Variants in STXBP3 observed in about 807,000 individuals in gnomAD.
STXBP3 encodes syntaxin-binding protein 3.
Under a neutral mutation model 85.7 loss-of-function variants are expected in STXBP3, and 41 were observed. The ratio of observed to expected loss-of-function variants is 0.48; its 90% CI spans 0.37 to 0.62. The LOEUF is 0.62. Among genes scored for constraint, STXBP3 ranks in the 20% least tolerant of loss-of-function variants. The pLI is 0.00. For synonymous variants in STXBP3, 229 were observed against 231.7 expected, an observed-to-expected ratio of 0.99 and a Z score of 0.10; for missense variants, 563 against 703.1, an observed-to-expected ratio of 0.80 and a Z score of 2.25.
At chr1:108,789,376 C>G (rs1662928846) in intron 11 of STXBP3, among the ~76,000 whole-genome samples, 1 of 151,930 alleles carries the variant, frequency 6.6e-6, no homozygotes, top group Admixed American at 6.6e-5. Flanking sequence ...TATATGTGGC[C>G]CAAGACAGTT....
At position 108,753,132 on chromosome 1, in the gene STXBP3, G is replaced by T; in HGVS notation, c.169G>T (p.Glu57Ter). 6.3e-7 allele frequency: 1 copy of T among 1,588,146 alleles called. No individual in the cohort carries two copies. The highest frequency in any genetic ancestry group is 8.6e-7 in the Non-Finnish European group (1 of 1,169,110). The change falls in exon 3 of 19, where the codon GAA (glutamate) becomes TAA (stop). Residue 57 changes from glutamate (E) to a stop codon, truncating the protein, a stop_gained. Coordinates refer to ENST00000370008, the MANE Select transcript of STXBP3 (RefSeq NM_007269.4). LOFTEE classifies it high-confidence loss of function. Reference protein sequence around the residue: ...SCCKMTDLLEEGITVVENIYK... With the variant: ...SCCKMTDLLE Reference sequence around the variant, plus strand: ...TTGCAAAATGACAGATCTTCTAGAAGAAGGTATTACTGGTAAGTGTTATTC... The same window carrying T: ...TTGCAAAATGACAGATCTTCTAGAATAAGGTATTACTGGTAAGTGTTATTC...
intron 11 of STXBP3, among the ~76,000 whole-genome samples, chr1:108,789,666 A>G (rs1483350323): frequency 1.3e-5 from 2 of 152,200 alleles, no homozygotes; most frequent in Non-Finnish European, 2.9e-5. Context: ...ATTTCAAAGC[A>G]TTTGGGAATT....
chr1:108,754,155 C>G (rs1460566677), intron 3 of STXBP3, among the ~76,000 whole-genome samples: 1 of 151,646 alleles, frequency 6.6e-6, no homozygotes, highest in African/African-American at 2.4e-5. Flanking sequence ...ATCTCAGTCT[C>G]CGAAGTAGCT....
intron 6 of STXBP3, among the ~76,000 whole-genome samples, chr1:108,764,259 T>G (rs889165856): frequency 2.1e-4 from 32 of 152,148 alleles, no homozygotes; most frequent in Admixed American, 4.6e-4. Flanking sequence ...TACATATATA[T>G]ATAGAGAGAG....
At chr1:108,747,042 G>A (rs1416680341) in intron 1 of STXBP3, among the ~76,000 whole-genome samples, 3 of 149,850 alleles carry the variant, frequency 2.0e-5, no homozygotes, top group African/African-American at 5.0e-5. Flanking sequence ...CGCTCTGGCC[G>A]CGAAGCTCCG....
intron 6 of STXBP3, among the ~76,000 whole-genome samples, chr1:108,763,096 T>TGGCAATA (rs951198136): frequency 1.3e-5 from 2 of 152,186 alleles, no homozygotes; most frequent in Admixed American, 1.3e-4. Flanking sequence ...TCCTGTTTCT[T>TGGCAATA]GGCAATAGAC....
At chr1:108,773,566 T>C (rs941942343) in intron 7 of STXBP3, among the ~76,000 whole-genome samples, 1 of 152,166 alleles carries the variant, frequency 6.6e-6, no homozygotes, top group African/African-American at 2.4e-5. Flanking sequence ...TTATTCTAGT[T>C]CAGGCTCATT....
intron 7 of STXBP3, among the ~76,000 whole-genome samples, chr1:108,773,110 TAC>T (rs1256742153): frequency 6.6e-6 from 1 of 152,178 alleles, no homozygotes; most frequent in African/African-American, 2.4e-5. Flanking sequence ...AATACAGTGT[TAC>T]AGTTAATGTT....
At chr1:108,751,566 ATG>A in intron 1 of STXBP3, among the ~76,000 whole-genome samples, 1 of 152,160 alleles carries the variant, frequency 6.6e-6, no homozygotes, top group African/African-American at 2.4e-5. Context: ...ATGTATTACT[ATG>A]TATTACTACC....
At chr1:108,781,042 T>C (rs1414995902) in intron 9 of STXBP3, 1 of 152,158 alleles carries the variant, frequency 6.6e-6, no homozygotes, top group African/African-American at 2.4e-5. Flanking sequence ...AAATTTACTT[T>C]TAAAATGGGA....
chr1:108,771,964 C>A (rs190166099), intron 6 of STXBP3, among the ~76,000 whole-genome samples: 8,501 of 9,048 alleles, frequency 0.94, 4,135 homozygotes, highest in Middle Eastern at 1. Context: ...ATATCTGTAT[C>A]ATATATAAAT....
In STXBP3 at chr1:108,765,570, A is replaced by ATTTTTTTTTTTTTTTTTTTTTTTTTT. The variant is rs35813823; in HGVS notation, c.438+5507_438+5508insTTTTTTTTTTTTTTTTTTTTTTTTTT. ...TCATGGTAAAAAGCACCACATGCTA[A>ATTTTTTTTTTTTTTTTTTTTTTTTTT]TTTTTTTTTTTTTTTTTTTTTTGAG... On this transcript the variant is annotated intron_variant, in intron 6 of 18. Coordinates refer to ENST00000370008, the MANE Select transcript of STXBP3 (RefSeq NM_007269.4). Among the ~76,000 whole-genome samples the ATTTTTTTTTTTTTTTTTTTTTTTTTT allele has an allele frequency of 3.0e-5, 2 of 67,168 alleles. 1 individual carries two copies. 44.1% of individuals were successfully genotyped at this position (67,168 alleles called of 152,430 possible). A position where few individuals can be genotyped will look rare whatever the true frequency, so the allele number is the denominator to read the frequency against.
At chr1:108,751,961 A>G (rs971513602) in intron 1 of STXBP3, among the ~76,000 whole-genome samples, 5 of 152,184 alleles carry the variant, frequency 3.3e-5, no homozygotes, top group African/African-American at 1.2e-4. Context: ...TAAGTAGAAT[A>G]GGAAAAACCA....
intron 11 of STXBP3, among the ~76,000 whole-genome samples, chr1:108,790,830 T>C (rs1464442277): frequency 6.6e-6 from 1 of 152,178 alleles, no homozygotes; most frequent in Non-Finnish European, 1.5e-5. Context: ...AGTTTAACTT[T>C]ATCCCCTTTC....
chr1:108,752,983 A>G, intron 2 of STXBP3, 80 bp from the exon 3 acceptor site: 1 of 1,096,476 alleles, frequency 9.1e-7, no homozygotes, highest in South Asian at 2.0e-5. Context: ...AAGGCTTATA[A>G]AGTTTAATGG....
chr1:108,796,576 G>T, intron 14 of STXBP3, 44 bp from the exon 15 acceptor site: 2 of 1,542,708 alleles, frequency 1.3e-6, no homozygotes, highest in Non-Finnish European at 8.9e-7. Context: ...AATTATTTTG[G>T]TAGCAATTGT....
chr1:108,774,141 CATT>C (rs992633622), intron 7 of STXBP3, among the ~76,000 whole-genome samples: 7 of 152,222 alleles, frequency 4.6e-5, no homozygotes, highest in African/African-American at 1.2e-4. Context: ...CTTTGCACAA[CATT>C]ATTTTCTGAG....
chr1:108,776,056 A>T (rs1662585037), intron 7 of STXBP3, among the ~76,000 whole-genome samples: 1 of 152,072 alleles, frequency 6.6e-6, no homozygotes, highest in East Asian at 1.9e-4. Context: ...AGGACTTAGG[A>T]GTGGAATAAA....
Position 108,800,074 on chromosome 1 carries a change from TTG to T in STXBP3, c.1450-143_1450-142del. 3 of 638,210 alleles carry T rather than the reference TTG, an allele frequency of 4.7e-6. No homozygotes were observed. The South Asian group carries it at 5.1e-5, about 11-fold the overall frequency. 39.5% of individuals were successfully genotyped at this position (638,210 alleles called of 1,614,324 possible). A position where few individuals can be genotyped will look rare whatever the true frequency, so the allele number is the denominator to read the frequency against. On this transcript the variant is annotated intron_variant, in intron 16 of 18. Coordinates refer to ENST00000370008, the MANE Select transcript of STXBP3 (RefSeq NM_007269.4). The stretch of plus-strand genomic sequence containing the variant: ...CACTGATTTTTGAAGGAAATAAGGT[TTG>T]TGAGTTTCAAAGAAAAGACTAATCT...
Sources: gnomAD v4.1 joint callset for allele counts (sites outside exome capture counted in the v4.1 genomes callset) on GRCh38, gnomAD v4.1.1 for gene constraint, MANE v1.5 for transcripts, NCBI Gene and HGNC (gene_info 2026-07-23, HGNC 2026-07-21) for gene names.